The following CDC42BPA variants were observed in gnomAD, a reference collection of about 807,000 sequenced individuals.
CDC42BPA encodes the protein CDC42 binding protein kinase alpha, also known as serine/threonine-protein kinase MRCK alpha.
In CDC42BPA, 80 loss-of-function variants were observed where a neutral mutation model predicts 223.5. The observed-to-expected ratio is 0.36, with a 90% CI of 0.30 to 0.43. The LOEUF (loss-of-function observed/expected upper bound fraction) is 0.43. Among genes scored for constraint, CDC42BPA ranks in the 20% least tolerant of loss-of-function variants. CDC42BPA has a pLI of 1.00. For synonymous variants in CDC42BPA, 694 were observed against 718.6 expected, an observed-to-expected ratio of 0.97 and a Z score of 0.55; for missense variants, 1,743 against 2,099.9, an observed-to-expected ratio of 0.83 and a Z score of 3.32.
chr1:227,246,676 C>A (rs1178094963), intron 2 of CDC42BPA, among the ~76,000 whole-genome samples: 2 of 151,108 alleles, frequency 1.3e-5, no homozygotes, highest in Non-Finnish European at 1.5e-5. Flanking sequence ...GGCCTTTGAA[C>A]CCAAGTCCCT....
At chr1:227,021,500 T>C (rs564596690) in intron 32 of CDC42BPA, among the ~76,000 whole-genome samples, 89 of 152,320 alleles carry the variant, frequency 5.8e-4, no homozygotes, top group Non-Finnish European at 9.3e-4. Flanking sequence ...TTCACCAGCC[T>C]GTTCACCAAG....
At chr1:227,041,784 T>C (rs1404641334) in intron 23 of CDC42BPA, among the ~76,000 whole-genome samples, 1 of 152,154 alleles carries the variant, frequency 6.6e-6, no homozygotes, top group Non-Finnish European at 1.5e-5. Context: ...AAAGCAGCAC[T>C]AGGATTTGAC....
chr1:227,306,081 G>C (rs1394090283), intron 1 of CDC42BPA, among the ~76,000 whole-genome samples: 1 of 150,432 alleles, frequency 6.6e-6, no homozygotes, highest in Non-Finnish European at 1.5e-5. Context: ...GCTTTCAGTA[G>C]TCACTGAAGT....
intron 1 of CDC42BPA, among the ~76,000 whole-genome samples, chr1:227,316,309 C>T (rs574325094): frequency 6.6e-6 from 1 of 152,286 alleles, no homozygotes; most frequent in East Asian, 1.9e-4. Flanking sequence ...AGTAGGTCTT[C>T]TAAATCACAT....
intron 24 of CDC42BPA, among the ~76,000 whole-genome samples, chr1:227,036,497 C>T (rs1452798861): frequency 1.4e-5 from 2 of 144,404 alleles, no homozygotes; most frequent in African/African-American, 2.6e-5. Context: ...GGTGCAATCT[C>T]GGCTCACTGC....
intron 16 of CDC42BPA, among the ~76,000 whole-genome samples, chr1:227,084,012 T>C (rs1193819289): frequency 6.6e-6 from 1 of 152,240 alleles, no homozygotes; most frequent in African/African-American, 2.4e-5. Context: ...GCACTAAATG[T>C]TGGGCTCACT....
chr1:227,003,796 G>A lies in CDC42BPA; in HGVS notation c.4975+1198C>T, dbSNP rs116230945. 5.3e-3 allele frequency among the ~76,000 whole-genome samples: 805 copies of A among 152,090 alleles called. 12 individuals carry two copies. The highest frequency in any genetic ancestry group is 0.018 in the African/African-American group (765 of 41,482). On this transcript the variant is annotated intron_variant, in intron 35 of 36. Transcript: ENST00000366766. ...TCTAGTTTTAAAGTGTAAAAAAAGA[G>A]ATGCTGCAGTTCCGAGTACAGTTAA... is the stretch of plus-strand genomic sequence containing the variant.
At chr1:227,081,232 T>G (rs186602270) in intron 16 of CDC42BPA, among the ~76,000 whole-genome samples, 28 of 152,288 alleles carry the variant, frequency 1.8e-4, no homozygotes, top group Non-Finnish European at 1.9e-4. Flanking sequence ...CTTGGTTCTG[T>G]GAACATTCTC....
chr1:227,281,486 G>A (rs753437218), intron 1 of CDC42BPA, among the ~76,000 whole-genome samples: 27 of 152,138 alleles, frequency 1.8e-4, no homozygotes, highest in Admixed American at 3.9e-4. Flanking sequence ...CCATGGTCCA[G>A]TAGACATGAG....
chr1:227,296,298 A>G (rs185908043), intron 1 of CDC42BPA, among the ~76,000 whole-genome samples: 1 of 152,360 alleles, frequency 6.6e-6, no homozygotes, highest in African/African-American at 2.4e-5. Context: ...AATCTGGAAC[A>G]ATTGGAATTT....
chr1:227,044,284 G>C (rs944978538), intron 23 of CDC42BPA, among the ~76,000 whole-genome samples: 1 of 152,046 alleles, frequency 6.6e-6, no homozygotes, highest in Non-Finnish European at 1.5e-5. Context: ...TCTTCCACTA[G>C]TCTGTCATCA....
chr1:227,275,264 GAAT>G (rs2148505786), intron 1 of CDC42BPA, among the ~76,000 whole-genome samples: 1 of 151,566 alleles, frequency 6.6e-6, no homozygotes, highest in South Asian at 2.1e-4. Context: ...ATTTAGAATG[GAAT>G]AATAATAAAA....
chr1:227,097,202 T>C (rs1445331865), intron 15 of CDC42BPA, among the ~76,000 whole-genome samples: 3 of 152,012 alleles, frequency 2.0e-5, no homozygotes, highest in African/African-American at 7.2e-5. Context: ...CACAACAAAG[T>C]ACAATAGTTT....
At chr1:227,126,872 T>A (rs552485867) in intron 11 of CDC42BPA, among the ~76,000 whole-genome samples, 1 of 152,288 alleles carries the variant, frequency 6.6e-6, no homozygotes, top group African/African-American at 2.4e-5. Flanking sequence ...GAAGCTAGAA[T>A]GTTCTTCTCA....
At chr1:227,069,608 CT>C in intron 21 of CDC42BPA, 168 bp downstream of exon 21, 1 of 470,126 alleles carries the variant, frequency 2.1e-6, no homozygotes. Flanking sequence ...GGATTATAGT[CT>C]CCATAAGAAT....
intron 5 of CDC42BPA, among the ~76,000 whole-genome samples, chr1:227,161,199 T>C (rs992190611): frequency 1.3e-5 from 2 of 152,234 alleles, no homozygotes; most frequent in Non-Finnish European, 2.9e-5. Flanking sequence ...AAGTCAATGG[T>C]GTGTAAGATA....
At chr1:227,011,272 T>C (rs1458378360) in intron 34 of CDC42BPA, among the ~76,000 whole-genome samples, 1 of 152,192 alleles carries the variant, frequency 6.6e-6, no homozygotes, top group Non-Finnish European at 1.5e-5. Context: ...CATTCTTTTT[T>C]ATAAAATTAT....
At chr1:227,074,065 T>G (rs1678966703) in intron 18 of CDC42BPA, 53 bp from the exon 19 acceptor site, 1 of 1,554,236 alleles carries the variant, frequency 6.4e-7, no homozygotes, top group African/African-American at 1.4e-5. Flanking sequence ...ACATTTAAAT[T>G]ATTATAGTTA....
At chr1:227,282,477 A>C (rs576635815) in intron 1 of CDC42BPA, among the ~76,000 whole-genome samples, 8 of 152,240 alleles carry the variant, frequency 5.3e-5, no homozygotes, top group Non-Finnish European at 1.2e-4. Flanking sequence ...GATAGCAGCT[A>C]AGTCAAAAAG....
Sources: gnomAD v4.1 joint callset for allele counts (sites outside exome capture counted in the v4.1 genomes callset) on GRCh38, gnomAD v4.1.1 for gene constraint, MANE v1.5 for transcripts, NCBI Gene and HGNC (gene_info 2026-07-23, HGNC 2026-07-21) for gene names.